The following RSRP1 variants were observed in gnomAD, a reference collection of about 807,000 sequenced individuals.
RSRP1 encodes arginine/serine-rich protein 1.
A neutral mutation model predicts 33.0 loss-of-function variants in RSRP1; 37 were observed. The ratio of observed to expected loss-of-function variants is 1.12; its 90% CI spans 0.86 to 1.48. The LOEUF is 1.48. RSRP1 is among the 40% of genes most tolerant of loss of function. RSRP1 has a pLI of 0.00. For synonymous variants in RSRP1, 167 were observed against 158.7 expected, an observed-to-expected ratio of 1.05 and a Z score of -0.40; for missense variants, 402 against 385.3, an observed-to-expected ratio of 1.04 and a Z score of -0.36.
At chr1:25,258,966 T>G (rs1302596327) in intron 1 of RSRP1, among the ~76,000 whole-genome samples, 1 of 152,186 alleles carries the variant, frequency 6.6e-6, no homozygotes, top group African/African-American at 2.4e-5. Flanking sequence ...TCTCACCATT[T>G]ATTATGCACT....
intron 1 of RSRP1, chr1:25,330,145 T>C (rs531914295): frequency 3.0e-5 from 4 of 132,566 alleles, no homozygotes; most frequent in East Asian, 3.9e-4. Flanking sequence ...TGTGCACTGA[T>C]TGCATATGCA....
chr1:25,311,045 G>A (rs142092665), intron 1 of RSRP1, among the ~76,000 whole-genome samples: 4,999 of 131,020 alleles, frequency 0.038, 857 homozygotes, highest in African/African-American at 0.12. Context: ...AGGGCTTAAA[G>A]GAAGACCCCA....
At chr1:25,271,202 T>C (rs1440904091) in intron 1 of RSRP1, among the ~76,000 whole-genome samples, 2 of 132,500 alleles carry the variant, frequency 1.5e-5, no homozygotes, top group Non-Finnish European at 3.6e-5. Context: ...AAGTGACTGA[T>C]GCCAAGTGAC....
rs1472080688 is a variant in RSRP1 at position 25,287,384 on chromosome 1, C to T, written c.-66-40355G>A. On this transcript the variant is annotated intron_variant, in intron 1 of 1. Coordinates refer to the RSRP1 transcript ENST00000561867. ...AAGACGAGAAGGGAGAGAAGTCACTCGCAGCCTGAGTGAACTCCCCTGCCC... is the reference window on the plus strand; with the variant it reads ...AAGACGAGAAGGGAGAGAAGTCACTTGCAGCCTGAGTGAACTCCCCTGCCC... Among the ~76,000 whole-genome samples the T allele has an allele frequency of 2.2e-5, 3 of 135,434 alleles. 1 individual carries two copies. The highest frequency in any genetic ancestry group is 2.2e-4 in the South Asian group (1 of 4,580). The allele number at this position is 135,434 out of a possible 152,430, so 88.8% of individuals were successfully genotyped here. A position where few individuals can be genotyped will look rare whatever the true frequency, so the allele number is the denominator to read the frequency against.
At position 25,268,489 on chromosome 1, in the gene RSRP1, A is replaced by G. The variant is rs1189621819; in HGVS notation, c.-66-21460T>C. On this transcript the variant is annotated intron_variant, in intron 1 of 1. Coordinates refer to the RSRP1 transcript ENST00000561867. ...AGCCAAGATCGTGCCACTGCATTCC[A>G]GCCTGGGTGACAGAGTACTCCGTCT... Among the ~76,000 whole-genome samples the G allele has an allele frequency of 2.3e-5, 3 of 131,272 alleles. 1 individual carries two copies. The highest frequency in any genetic ancestry group is 1.5e-4 in the Admixed American group (2 of 13,536). 86.1% of individuals were successfully genotyped at this position (131,272 alleles called of 152,430 possible).
At chr1:25,248,075 A>C (rs1340463275), upstream of RSRP1, 1 of 152,108 alleles carries the variant, frequency 6.6e-6, no homozygotes. Context: ...ACACCCCAAG[A>C]CCCCTGGAAA....
intron 1 of RSRP1, among the ~76,000 whole-genome samples, chr1:25,261,494 T>C (rs1414529099): frequency 6.6e-6 from 1 of 150,796 alleles, no homozygotes; most frequent in African/African-American, 2.4e-5. Flanking sequence ...AATCTCCGCC[T>C]CCCAGGTTCA....
chr1:25,255,572 G>C (rs893975414), intron 1 of RSRP1, among the ~76,000 whole-genome samples: 1 of 152,152 alleles, frequency 6.6e-6, no homozygotes, highest in Non-Finnish European at 1.5e-5. Context: ...TTCCACAGCT[G>C]GGGGTGGGGG....
chr1:25,306,712 C>T lies in RSRP1; in HGVS notation c.-67+31266G>A, dbSNP rs751622039. 14 of 1,377,764 alleles carry T rather than the reference C, an allele frequency of 1.0e-5. 2 individuals carry two copies. The highest frequency in any genetic ancestry group is 4.7e-5 in the South Asian group (4 of 84,778). 85.3% of individuals were successfully genotyped at this position (1,377,764 alleles called of 1,614,324 possible). The stretch of plus-strand genomic sequence containing the variant: ...TTGTGCTGCTGGTGCTTGATACCGT[C>T]GGAGCCGGCAATGGCATGTGGGTCA... On this transcript the variant is annotated intron_variant, in intron 1 of 1. Transcript: ENST00000561867.
At chr1:25,303,130 A>G (rs1409409855) in intron 1 of RSRP1, among the ~76,000 whole-genome samples, 1 of 132,074 alleles carries the variant, frequency 7.6e-6, no homozygotes, top group Non-Finnish European at 1.8e-5. Flanking sequence ...CCTAAGAGGC[A>G]GTAGTGAGCT....
chr1:25,262,029 T>C (rs1337719112), intron 1 of RSRP1, among the ~76,000 whole-genome samples: 1 of 152,170 alleles, frequency 6.6e-6, no homozygotes, highest in Non-Finnish European at 1.5e-5. Context: ...TGATTTCTTA[T>C]TTCCCACATT....
Position 25,331,551 on chromosome 1 carries a change from T to C in RSRP1, c.-67+6427A>G, listed in dbSNP as rs532167673. ...ATTTAGTATCACAAAGACTTTGCTC[T>C]GAGAAAAATGTGATTTTTTTTTTTT... On this transcript the variant is annotated intron_variant, in intron 1 of 1. Transcript: ENST00000561867. 1.4e-4 allele frequency among the ~76,000 whole-genome samples: 16 copies of C among 115,744 alleles called. 4 individuals carry two copies. In the South Asian group the frequency reaches 4.3e-3, roughly 31 times the overall value. 75.9% of individuals were successfully genotyped at this position (115,744 alleles called of 152,430 possible). A position where few individuals can be genotyped will look rare whatever the true frequency, so the allele number is the denominator to read the frequency against.
Position 25,275,784 on chromosome 1 carries a change from T to C in RSRP1, c.-66-28755A>G, listed in dbSNP as rs538661717. On this transcript the variant is annotated intron_variant, in intron 1 of 1. Coordinates refer to the RSRP1 transcript ENST00000561867. ...TGAAAATTCACTCCTCAGAGTCTTC[T>C]TGATAATTTGAAATTGTCTTGATTG... Among the ~76,000 whole-genome samples, 527 of 132,880 alleles carry C rather than the reference T, an allele frequency of 4.0e-3. 39 individuals are homozygous for C. The highest frequency in any genetic ancestry group is 0.013 in the African/African-American group (512 of 38,944). The allele number at this position is 132,880 out of a possible 152,430, so 87.2% of individuals were successfully genotyped here.
At position 25,276,496 on chromosome 1, in the gene RSRP1, G is replaced by C. The variant is rs1178801527; in HGVS notation, c.-66-29467C>G. 4.0e-5 allele frequency among the ~76,000 whole-genome samples: 4 copies of C among 99,554 alleles called. 1 individual carries two copies. Among genetic ancestry groups the C allele is most frequent in the East Asian group, 2.2e-4 (1 of 4,498 alleles). The allele number at this position is 99,554 out of a possible 152,430, so 65.3% of individuals were successfully genotyped here. A position where few individuals can be genotyped will look rare whatever the true frequency, so the allele number is the denominator to read the frequency against. ...TCGCTTAAACCAAGGAGTTCAAGAC[G>C]AGCCTAGGAAACATAGGGAGACCCC... On this transcript the variant is annotated intron_variant, in intron 1 of 1. Coordinates refer to the RSRP1 transcript ENST00000561867.
intron 1 of RSRP1, among the ~76,000 whole-genome samples, chr1:25,299,772 C>T (rs574927934): frequency 3.0e-5 from 4 of 132,834 alleles, no homozygotes; most frequent in South Asian, 2.3e-4. Flanking sequence ...ATTTATTTGA[C>T]GCAGTGTCAC....
In RSRP1 at chr1:25,333,127, A is replaced by G. The variant is rs928251629; in HGVS notation, c.-67+4851T>C. ...TGTATTCCAGCTCCAAGAGAGTAAGACCAATTTGCCTTTCTTCCGTTTTTG... is the reference window on the plus strand; with the variant it reads ...TGTATTCCAGCTCCAAGAGAGTAAGGCCAATTTGCCTTTCTTCCGTTTTTG... On this transcript the variant is annotated intron_variant, in intron 1 of 1. Coordinates refer to the RSRP1 transcript ENST00000561867. 4.0e-4 allele frequency among the ~76,000 whole-genome samples: 53 copies of G among 132,140 alleles called. 16 individuals are homozygous for G. Among genetic ancestry groups the G allele is most frequent in the Middle Eastern group, 8.3e-3 (2 of 240 alleles). The allele number at this position is 132,140 out of a possible 152,430, so 86.7% of individuals were successfully genotyped here. A position where few individuals can be genotyped will look rare whatever the true frequency, so the allele number is the denominator to read the frequency against.
chr1:25,314,979 C>T (rs1214754950), intron 1 of RSRP1, among the ~76,000 whole-genome samples: 2 of 129,428 alleles, frequency 1.5e-5, no homozygotes, highest in East Asian at 2.0e-4. Flanking sequence ...CTGAGGCTGG[C>T]GGATCACAAG....
chr1:25,277,816 A>T (rs1641143307), intron 1 of RSRP1, among the ~76,000 whole-genome samples: 1 of 123,660 alleles, frequency 8.1e-6, no homozygotes, highest in Non-Finnish European at 1.9e-5. Flanking sequence ...CTGGGATTAC[A>T]GGCATGCGCC....
At chr1:25,261,836 C>T (rs547909468) in intron 1 of RSRP1, among the ~76,000 whole-genome samples, 41 of 151,454 alleles carry the variant, frequency 2.7e-4, no homozygotes, top group Middle Eastern at 3.4e-3. Context: ...CTCTGCCTCC[C>T]GTGTAGCTGG....
Sources: allele counts gnomAD v4.1 joint callset (sites outside exome capture counted in the v4.1 genomes callset), GRCh38; gene constraint gnomAD v4.1.1; transcripts MANE v1.5; gene names NCBI Gene and HGNC (gene_info 2026-07-23, HGNC 2026-07-21).